RPF1: variants seen among roughly 807,000 people sequenced by gnomAD.
RPF1 encodes ribosome production factor 1.
RPF1 carries 34 observed loss-of-function variants against 41.9 expected under a neutral mutation model. The observed-to-expected ratio is 0.81, with a 90% CI of 0.62 to 1.08. The LOEUF (loss-of-function observed/expected upper bound fraction) is 1.08. Ranked by LOEUF, RPF1 falls within the 50% of genes least tolerant of loss-of-function variation. The probability of loss-of-function intolerance (pLI) is 0.00; values close to 1 mark genes in which losing one functional copy is unlikely to be tolerated. For synonymous variants in RPF1, 140 were observed against 148.9 expected (o/e 0.94, Z 0.43); for missense variants, 425 against 435.2 (o/e 0.98, Z 0.21).
chr1:84,495,350 T>C (rs1407042550), intron 5 of RPF1, 23 bp from the exon 6 acceptor site: 1 of 1,151,116 alleles, frequency 8.7e-7, no homozygotes, highest in African/African-American at 1.5e-5. Context: ...GTTCAATGTG[T>C]TTTTCTTAAC....
At chr1:84,482,026 C>G (rs1681659995) in intron 2 of RPF1, among the ~76,000 whole-genome samples, 1 of 152,112 alleles carries the variant, frequency 6.6e-6, no homozygotes, top group African/African-American at 2.4e-5. Context: ...CAGTCTATTA[C>G]AGCAAATTAA....
chr1:84,482,111 T>C (rs958301518), intron 2 of RPF1, among the ~76,000 whole-genome samples: 6 of 152,236 alleles, frequency 3.9e-5, no homozygotes, highest in African/African-American at 1.4e-4. Flanking sequence ...AATTGCCTCC[T>C]TTAAAAAATG....
chr1:84,497,148 G>T (rs1681954826), intron 8 of RPF1, among the ~76,000 whole-genome samples: 1 of 151,192 alleles, frequency 6.6e-6, no homozygotes, highest in South Asian at 2.1e-4. Flanking sequence ...GGGATTACAG[G>T]TGTGAGCCAC....
In RPF1 at chr1:84,497,492, G is replaced by C; in HGVS notation, c.*22G>C. 6.3e-7 allele frequency: 1 copy of C among 1,581,248 alleles called. No individual in the cohort carries two copies. The highest frequency in any genetic ancestry group is 8.7e-7 in the Non-Finnish European group (1 of 1,154,818). On this transcript the variant is annotated 3_prime_UTR_variant, in exon 9 of 9. Coordinates refer to ENST00000370654, the MANE Select transcript of RPF1 (RefSeq NM_025065.7). ...ATAAAGTACTGAGAGAATGATATTG[G>C]ATTTTGCTGAACAGGCCTATCTTGA...
chr1:84,480,781 C>T (rs189625773), intron 1 of RPF1, among the ~76,000 whole-genome samples, 175 bp from the exon 2 acceptor site: 271 of 152,282 alleles, frequency 1.8e-3, no homozygotes, highest in Non-Finnish European at 3.5e-3. Flanking sequence ...TTGGCCAGCT[C>T]ATTTGGCTTA....
chr1:84,489,763 T>G (rs763518029), intron 4 of RPF1, 35 bp downstream of exon 4: 1 of 1,164,908 alleles, frequency 8.6e-7, no homozygotes, highest in Non-Finnish European at 1.3e-6. Flanking sequence ...CTTGAATTCT[T>G]AATTTTCTTA....
chr1:84,495,515 T>C (rs1490284993), intron 6 of RPF1, 60 bp downstream of exon 6: 4 of 762,026 alleles, frequency 5.2e-6, no homozygotes, highest in Non-Finnish European at 6.6e-6. Context: ...ATTTGATCAA[T>C]AGATGCTGTA....
intron 3 of RPF1, among the ~76,000 whole-genome samples, chr1:84,487,000 A>G (rs892171726): frequency 6.6e-6 from 1 of 152,148 alleles, no homozygotes; most frequent in Non-Finnish European, 1.5e-5. Context: ...TCAGTTTTGC[A>G]TATATTATGT....
intron 8 of RPF1, among the ~76,000 whole-genome samples, chr1:84,496,798 G>C (rs1043479928): frequency 6.6e-6 from 1 of 152,150 alleles, no homozygotes; most frequent in Non-Finnish European, 1.5e-5. Flanking sequence ...CATGTTTCTT[G>C]AGAACTATTG....
chr1:84,490,414 G>A lies in RPF1; in HGVS notation c.558G>A (p.Gln186=), dbSNP rs200871347. 1 of 1,611,230 alleles carries A rather than the reference G, an allele frequency of 6.2e-7. No individual in the cohort carries two copies. Among genetic ancestry groups the A allele is most frequent in the Non-Finnish European group, 8.5e-7 (1 of 1,178,772 alleles). Residue 186 remains glutamine (Q), a synonymous_variant, in exon 5 of 9, where the codon CAG becomes CAA. Coordinates refer to ENST00000370654, the MANE Select transcript of RPF1 (RefSeq NM_025065.7). ...TGGCTCTGAAAAAAATTATTCCACAGTGCATCGCAAGAGATTTCACAGACC... is the reference window on the plus strand; with the variant it reads ...TGGCTCTGAAAAAAATTATTCCACAATGCATCGCAAGAGATTTCACAGACC... ...RGLALKKIIP[Q]CIARDFTDLI...
Position 84,489,664 on chromosome 1 carries a change from C to T in RPF1, c.398C>T (p.Ala133Val), listed in dbSNP as rs763330087. ...VAYDEATDEFASYFNKQTSPK... is the reference protein window; with the variant it reads ...VAYDEATDEFVSYFNKQTSPK... The stretch of plus-strand genomic sequence containing the variant: ...TATGATGAAGCTACAGATGAATTTG[C>T]TTCTTACTTCAACAAACAGACTTCT... The change falls in exon 4 of 9, where the codon GCT (alanine) becomes GTT (valine). Residue 133 changes from alanine to valine, a missense_variant. Transcript: ENST00000370654. The T allele has an allele frequency of 3.7e-6, 6 of 1,609,118 alleles. No homozygotes were observed. In the East Asian group the frequency reaches 1.1e-4, roughly 30 times the overall value.
intron 3 of RPF1, among the ~76,000 whole-genome samples, chr1:84,489,060 C>T (rs541498838): frequency 6.6e-6 from 1 of 151,840 alleles, no homozygotes; most frequent in Non-Finnish European, 1.5e-5. Context: ...TCATTTATAT[C>T]TCCTTTTATC....
In RPF1 at chr1:84,483,270, G is replaced by C. The variant is rs1681682849; in HGVS notation, c.366+275G>C. ...TTTGGAGGGTTTTGTTTTTGTTTTT[G>C]TTTTTGATTTTGTTGAGACAGAGTC... is the stretch of plus-strand genomic sequence containing the variant. On this transcript the variant is annotated intron_variant, in intron 3 of 8. Transcript: ENST00000370654. 3 of 387,496 alleles carry C rather than the reference G, an allele frequency of 7.7e-6. No individual in the cohort carries two copies. In the East Asian group the frequency reaches 1.5e-4, roughly 19 times the overall value. 24.0% of individuals were successfully genotyped at this position (387,496 alleles called of 1,614,324 possible). A position where few individuals can be genotyped will look rare whatever the true frequency, so the allele number is the denominator to read the frequency against.
chr1:84,490,086 A>T (rs1681805290), intron 4 of RPF1, among the ~76,000 whole-genome samples: 1 of 152,334 alleles, frequency 6.6e-6, no homozygotes, highest in Middle Eastern at 3.4e-3. Flanking sequence ...ATGTCTCCAG[A>T]CATTGCCAAA....
At chr1:84,490,828 C>T (rs1272929690) in intron 5 of RPF1, among the ~76,000 whole-genome samples, 1 of 152,134 alleles carries the variant, frequency 6.6e-6, no homozygotes, top group African/African-American at 2.4e-5. Context: ...GACCCTGTGA[C>T]TGGTACAAAG....
At chr1:84,485,179 A>C (rs1436563293) in intron 3 of RPF1, among the ~76,000 whole-genome samples, 1 of 152,082 alleles carries the variant, frequency 6.6e-6, no homozygotes, top group Non-Finnish European at 1.5e-5. Context: ...ATCTCTGCTC[A>C]CTGCAACCTC....
At chr1:84,495,590 A>G in intron 6 of RPF1, 135 bp downstream of exon 6, 1 of 583,550 alleles carries the variant, frequency 1.7e-6, no homozygotes, top group Admixed American at 3.7e-5. Flanking sequence ...TTTTTAATCT[A>G]TCAATTCTCT....
At chr1:84,484,932 A>G (rs1681711197) in intron 3 of RPF1, among the ~76,000 whole-genome samples, 1 of 152,038 alleles carries the variant, frequency 6.6e-6, no homozygotes, top group African/African-American at 2.4e-5. Flanking sequence ...TCAGCCTCCT[A>G]AAGTGCTGGG....
chr1:84,482,729 T>C (rs1681672522), intron 2 of RPF1, among the ~76,000 whole-genome samples, 186 bp from the exon 3 acceptor site: 1 of 146,824 alleles, frequency 6.8e-6, no homozygotes, highest in Non-Finnish European at 1.5e-5. Context: ...TCTGCCCAGA[T>C]TGTTTAAAAA....
Sources: gnomAD v4.1 joint callset for allele counts (sites outside exome capture counted in the v4.1 genomes callset) on GRCh38, gnomAD v4.1.1 for gene constraint, MANE v1.5 for transcripts, NCBI Gene and HGNC (gene_info 2026-07-23, HGNC 2026-07-21) for gene names.